Variants in RBFOX1 observed in about 807,000 individuals in gnomAD.
RBFOX1 encodes RNA binding fox-1 homolog 1.
RBFOX1 carries 8 observed loss-of-function variants against 57.7 expected under a neutral mutation model. The ratio of observed to expected loss-of-function variants is 0.14; its 90% CI spans 0.08 to 0.25. RBFOX1 has a LOEUF of 0.25. Among genes scored for constraint, RBFOX1 ranks in the 10% least tolerant of loss-of-function variants. RBFOX1 has a pLI of 1.00. For missense variants in RBFOX1, 611 were observed against 548.5 expected, an observed-to-expected ratio of 1.11 and a Z score of -1.14; for synonymous variants, 326 against 222.4, an observed-to-expected ratio of 1.47 and a Z score of -4.15.
At chr16:7,033,799 C>G (rs1028535263) in intron 3 of RBFOX1, among the ~76,000 whole-genome samples, 3 of 152,024 alleles carry the variant, frequency 2.0e-5, no homozygotes, top group African/African-American at 7.2e-5. Context: ...AAAACCTCAT[C>G]TCTACTAAAA....
chr16:7,393,594 G>C lies in RBFOX1; in HGVS notation c.28-124553G>C, dbSNP rs144736215. 2.3e-3 allele frequency among the ~76,000 whole-genome samples: 344 copies of C among 152,220 alleles called. No individual in the cohort carries two copies. In the Middle Eastern group the frequency reaches 0.037, roughly 17 times the overall value. On this transcript the variant is annotated intron_variant, in intron 4 of 15. Transcript: ENST00000550418. ...TATAGGGGGTGGTGGTAATGAATCA[G>C]GATAAGGCAGAGGAAGGTATGGTTT...
intron 3 of RBFOX1, among the ~76,000 whole-genome samples, chr16:5,660,796 G>C (rs977555047): frequency 4.6e-5 from 7 of 152,144 alleles, no homozygotes; most frequent in African/African-American, 1.7e-4. Flanking sequence ...AGCAGGCGGA[G>C]TGGTGAATGA....
intron 2 of RBFOX1, among the ~76,000 whole-genome samples, chr16:5,486,999 C>G (rs1227065138): frequency 6.6e-6 from 1 of 152,156 alleles, no homozygotes; most frequent in Non-Finnish European, 1.5e-5. Context: ...GGCCTTTGCA[C>G]AAAGTGTCCT....
At chr16:5,512,422 C>T (rs1013275718) in intron 2 of RBFOX1, among the ~76,000 whole-genome samples, 9 of 81,358 alleles carry the variant, frequency 1.1e-4, no homozygotes, top group African/African-American at 5.2e-4. Flanking sequence ...CTCTCTTTCT[C>T]TCTCTCTCTC....
At position 5,708,513 on chromosome 16, in the gene RBFOX1, A is replaced by G. The variant is rs556063890; in HGVS notation, c.318+109552A>G. On this transcript the variant is annotated intron_variant, in intron 3 of 19. Transcript: ENST00000641259. ...GCGTCCAGCTGGATCTGTGTCTTCC[A>G]TCTCTTTGATTTTTTGCGTATGTCA... Among the ~76,000 whole-genome samples, 9 of 152,248 alleles carry G rather than the reference A, an allele frequency of 5.9e-5. 1 individual carries two copies. In the Middle Eastern group the frequency reaches 0.01, roughly 173 times the overall value.
At chr16:6,775,880 C>A (rs1049189636) in intron 3 of RBFOX1, 1 of 152,208 alleles carries the variant, frequency 6.6e-6, no homozygotes, top group Non-Finnish European at 1.5e-5. Flanking sequence ...CCACGATCCT[C>A]GCTTGGCTGG....
chr16:6,882,598 A>T (rs1027193998), intron 3 of RBFOX1, among the ~76,000 whole-genome samples: 1 of 152,250 alleles, frequency 6.6e-6, no homozygotes, highest in East Asian at 1.9e-4. Context: ...TCTGAAAATA[A>T]ATAAATATAA....
At chr16:5,263,999 A>G (rs986299088) in intron 1 of RBFOX1, among the ~76,000 whole-genome samples, 10 of 152,194 alleles carry the variant, frequency 6.6e-5, no homozygotes, top group African/African-American at 2.4e-4. Context: ...TCAATGGGGT[A>G]TGGAGATTTT....
chr16:5,531,385 T>A (rs563445885), intron 2 of RBFOX1, among the ~76,000 whole-genome samples: 1 of 152,284 alleles, frequency 6.6e-6, no homozygotes, highest in South Asian at 2.1e-4. Flanking sequence ...TTGTTACCGA[T>A]CTTTAAAGTT....
intron 2 of RBFOX1, among the ~76,000 whole-genome samples, chr16:6,601,485 C>G (rs573748823): frequency 6.6e-6 from 1 of 152,076 alleles, no homozygotes; most frequent in South Asian, 2.1e-4. Context: ...GGGAACTCTA[C>G]ATACAAGAAG....
At chr16:6,531,172 C>T (rs956510189) in intron 2 of RBFOX1, among the ~76,000 whole-genome samples, 1 of 152,200 alleles carries the variant, frequency 6.6e-6, no homozygotes, top group African/African-American at 2.4e-5. Flanking sequence ...CTTATTCCCA[C>T]TCTGCCCCCG....
chr16:6,756,027 A>G (rs2075732970), intron 3 of RBFOX1, among the ~76,000 whole-genome samples: 1 of 152,152 alleles, frequency 6.6e-6, no homozygotes, highest in Non-Finnish European at 1.5e-5. Flanking sequence ...CCCCGTTTGG[A>G]TGACAGTACA....
At chr16:6,873,805 C>T (rs2061361266) in intron 3 of RBFOX1, 1 of 152,154 alleles carries the variant, frequency 6.6e-6, no homozygotes, top group Non-Finnish European at 1.5e-5. Context: ...TTATTATTGC[C>T]ATTTTCCAGA....
chr16:5,984,946 T>TTTTATATATATA lies in RBFOX1; in HGVS notation c.351+117612_351+117613insTTATATATATAT, dbSNP rs1450037668. Among the ~76,000 whole-genome samples the TTTTATATATATA allele has an allele frequency of 8.6e-5, 6 of 69,658 alleles. No individual in the cohort carries two copies. The South Asian group carries it at 3.2e-3, about 37-fold the overall frequency. 45.7% of individuals were successfully genotyped at this position (69,658 alleles called of 152,430 possible). A position where few individuals can be genotyped will look rare whatever the true frequency, so the allele number is the denominator to read the frequency against. On this transcript the variant is annotated intron_variant, in intron 4 of 19. Coordinates refer to the RBFOX1 transcript ENST00000641259. ...GGTACACCTGTATAGGGCAACTCCA[T>TTTTATATATATA]TATATATATATATATATATATATAT...
chr16:7,294,979 A>G (rs1251071657), intron 4 of RBFOX1, among the ~76,000 whole-genome samples: 1 of 152,224 alleles, frequency 6.6e-6, no homozygotes, highest in Non-Finnish European at 1.5e-5. Context: ...AACTATAAAA[A>G]TAATCTACCT....
At chr16:6,065,381 A>T (rs8052564) in intron 1 of RBFOX1, among the ~76,000 whole-genome samples, 1 of 151,954 alleles carries the variant, frequency 6.6e-6, no homozygotes, top group Non-Finnish European at 1.5e-5. Context: ...GTCTGTTTTC[A>T]TACAGCTGGT....
rs1314408406 is a variant in RBFOX1, at chr16:7,625,491, C to T, written c.677-5112C>T. On this transcript the variant is annotated intron_variant, in intron 10 of 15. Coordinates refer to ENST00000550418, the MANE Select transcript of RBFOX1 (RefSeq NM_018723.4). ...GCATGACATATACAGAAACTTCCTG[C>T]ATGGGGGCCCCAGAATACTCATTCC... Among the ~76,000 whole-genome samples, 7 of 152,058 alleles carry T rather than the reference C, an allele frequency of 4.6e-5. No individual in the cohort carries two copies. In the South Asian group the frequency reaches 1.5e-3, roughly 32 times the overall value.
At chr16:6,866,108 C>A (rs981901763) in intron 3 of RBFOX1, among the ~76,000 whole-genome samples, 10 of 152,026 alleles carry the variant, frequency 6.6e-5, no homozygotes, top group Non-Finnish European at 1.2e-4. Flanking sequence ...AATAATTCCC[C>A]TCTCCTTTTC....
chr16:7,055,613 C>T (rs1478718), intron 4 of RBFOX1, among the ~76,000 whole-genome samples: 28 of 152,112 alleles, frequency 1.8e-4, no homozygotes, highest in Admixed American at 6.5e-5. Context: ...TCACTGCAGT[C>T]GTTTTCTTAG....
Sources: gnomAD v4.1 joint callset for allele counts (sites outside exome capture counted in the v4.1 genomes callset) on GRCh38, gnomAD v4.1.1 for gene constraint, MANE v1.5 for transcripts, NCBI Gene and HGNC (gene_info 2026-07-23, HGNC 2026-07-21) for gene names.